The following NCAM2 variants were observed in gnomAD, a reference collection of about 807,000 sequenced individuals.
NCAM2 encodes the protein neural cell adhesion molecule 2, also known as N-CAM-2.
In NCAM2, 30 loss-of-function variants were observed where a neutral mutation model predicts 98.1. That is an observed-to-expected ratio of 0.31 (90% confidence interval 0.23 to 0.41). The LOEUF (loss-of-function observed/expected upper bound fraction) is 0.41, where lower values mean the gene tolerates loss of function less well. Ranked by LOEUF, NCAM2 falls within the 10% of genes least tolerant of loss-of-function variation. The pLI is 1.00. For synonymous variants in NCAM2, 368 were observed against 342.4 expected, an observed-to-expected ratio of 1.07 and a Z score of -0.83; for missense variants, 867 against 1,005.8, an observed-to-expected ratio of 0.86 and a Z score of 1.87.
At chr21:21,262,911 A>C (rs1156877106) in intron 1 of NCAM2, among the ~76,000 whole-genome samples, 1 of 152,086 alleles carries the variant, frequency 6.6e-6, no homozygotes, top group Admixed American at 6.6e-5. Context: ...TAAAATCATC[A>C]GCTCTCATGA....
chr21:21,300,803 T>C (rs1601910578), intron 5 of NCAM2, among the ~76,000 whole-genome samples: 2 of 152,018 alleles, frequency 1.3e-5, no homozygotes, highest in East Asian at 3.9e-4. Flanking sequence ...TCTCTATCCC[T>C]TTAGATTATA....
At chr21:21,535,952 T>C (rs1989959756) in intron 17 of NCAM2, among the ~76,000 whole-genome samples, 1 of 152,140 alleles carries the variant, frequency 6.6e-6, no homozygotes, top group South Asian at 2.1e-4. Context: ...AAAAACTTAA[T>C]ATATATTTCA....
rs536080391 is a variant in NCAM2 at position 21,047,460 on chromosome 21, G to A, written c.55+48842G>A. On this transcript the variant is annotated intron_variant, in intron 1 of 17. Transcript: ENST00000400546. ...CTTGTTTATTTCAGACAGACTAAAG[G>A]TACAGATATGTTGATGAAACAAACA... 2.6e-5 allele frequency among the ~76,000 whole-genome samples: 4 copies of A among 152,082 alleles called. 1 individual carries two copies. In the South Asian group the frequency reaches 8.3e-4, roughly 32 times the overall value.
Position 21,292,132 on chromosome 21 carries a change from C to A in NCAM2, c.510C>A (p.Asn170Lys), listed in dbSNP as rs757727097. 1 of 1,610,742 alleles carries A rather than the reference C, an allele frequency of 6.2e-7. No homozygotes were observed. The highest frequency in any genetic ancestry group is 1.1e-5 in the South Asian group (1 of 90,730). Residue 170 changes from asparagine to lysine, a missense_variant, in exon 5 of 18, where the codon AAC (asparagine) becomes AAA (lysine). By Grantham distance (94) the Asn-to-Lys change is moderately conservative (BLOSUM62 0). Coordinates refer to ENST00000400546, the MANE Select transcript of NCAM2 (RefSeq NM_004540.5). ...GGTTCGCTATGTTAGCAAACAATAA[C>A]CTGCAGATTCTCAACATCAATAAAA... is the stretch of plus-strand genomic sequence containing the variant. ...DNRFAMLANN[N>K]LQILNINKSD...
At chr21:21,098,639 C>G (rs1235050871) in intron 1 of NCAM2, among the ~76,000 whole-genome samples, 2 of 151,700 alleles carry the variant, frequency 1.3e-5, no homozygotes, top group East Asian at 1.9e-4. Context: ...ATATATTAAG[C>G]AGTGAAATTA....
intron 8 of NCAM2, among the ~76,000 whole-genome samples, chr21:21,354,840 G>GA (rs11088862): frequency 1 from 152,339 of 152,350 alleles, 76,164 homozygotes; most frequent in Middle Eastern, 1. Flanking sequence ...AGCACTAAAT[G>GA]TTCTTTTAGG....
At chr21:21,058,152 A>AAAAAAC (rs2065251083) in intron 1 of NCAM2, among the ~76,000 whole-genome samples, 1 of 149,984 alleles carries the variant, frequency 6.7e-6, no homozygotes, top group African/African-American at 2.4e-5. Flanking sequence ...TTCAAAAAAA[A>AAAAAAC]AAAAAAAAAA....
chr21:21,327,013 T>C (rs2074532893), intron 6 of NCAM2, among the ~76,000 whole-genome samples: 1 of 152,200 alleles, frequency 6.6e-6, no homozygotes, highest in Non-Finnish European at 1.5e-5. Flanking sequence ...TCAGTTGTAC[T>C]AGTCAGCTTG....
chr21:21,432,219 A>T lies in NCAM2; in HGVS notation c.1592A>T (p.Gln531Leu). The change falls in exon 12 of 18, where the codon CAG becomes CTG. Residue 531 changes from glutamine (Q) to leucine (L), a missense_variant. Gln to Leu is a moderately radical substitution (Grantham distance 113, BLOSUM62 -2). This residue lies in a region of NCAM2 where 234 missense variants were observed against 333.8 expected (regional missense o/e 0.70). Coordinates refer to ENST00000400546, the MANE Select transcript of NCAM2 (RefSeq NM_004540.5). The stretch of plus-strand genomic sequence containing the variant: ...GGAGGTGTACCTATTCATCACTATC[A>T]GGTGGATGTCAAAGAAGTAGCGTCA... ...SHGGVPIHHYQVDVKEVASEI... is the reference protein window; with the variant it reads ...SHGGVPIHHYLVDVKEVASEI... The T allele has an allele frequency of 1.2e-6, 2 of 1,614,090 alleles. No individual in the cohort carries two copies. The highest frequency in any genetic ancestry group is 1.7e-6 in the Non-Finnish European group (2 of 1,179,964).
At chr21:21,506,870 T>C (rs1417627355) in intron 15 of NCAM2, among the ~76,000 whole-genome samples, 2 of 152,110 alleles carry the variant, frequency 1.3e-5, no homozygotes, top group Non-Finnish European at 2.9e-5. Flanking sequence ...AACAAAATAA[T>C]TTCAATAAAA....
intron 1 of NCAM2, among the ~76,000 whole-genome samples, chr21:21,182,571 A>G (rs183375331): frequency 1.3e-5 from 2 of 152,244 alleles, no homozygotes; most frequent in Admixed American, 6.5e-5. Context: ...AATAACATCT[A>G]TAAATTTTGT....
intron 1 of NCAM2, among the ~76,000 whole-genome samples, chr21:21,264,719 G>C (rs185664013): frequency 6.8e-6 from 1 of 146,466 alleles, no homozygotes; most frequent in Non-Finnish European, 1.5e-5. Flanking sequence ...ACATCATTTT[G>C]TTAAGATCTT....
rs1981151658 is a variant in NCAM2 at position 21,452,009 on chromosome 21, G to A, written c.1655-14597G>A. The stretch of plus-strand genomic sequence containing the variant: ...TTCTCACTTAATTCTACAAATATTT[G>A]TCCTGCCTACTCTATTTCTTGATGC... On this transcript the variant is annotated intron_variant, in intron 12 of 17. Coordinates refer to ENST00000400546, the MANE Select transcript of NCAM2 (RefSeq NM_004540.5). 2.0e-5 allele frequency among the ~76,000 whole-genome samples: 3 copies of A among 151,742 alleles called. No individual in the cohort carries two copies. The South Asian group carries it at 6.2e-4, about 31-fold the overall frequency.
Position 21,197,425 on chromosome 21 carries a change from C to T in NCAM2, c.56-83153C>T, listed in dbSNP as rs1250250198. On this transcript the variant is annotated intron_variant, in intron 1 of 17. Coordinates refer to ENST00000400546, the MANE Select transcript of NCAM2 (RefSeq NM_004540.5). ...GATTACAGGTGTGAGCCACCGTGCC[C>T]AGCCCCTCTTTTCTTTAGAAAGTAC... Among the ~76,000 whole-genome samples the T allele has an allele frequency of 3.3e-5, 5 of 152,294 alleles. No individual in the cohort carries two copies. In the East Asian group the frequency reaches 9.7e-4, roughly 29 times the overall value.
At chr21:21,290,498 G>T (rs554412951) in intron 4 of NCAM2, among the ~76,000 whole-genome samples, 4 of 151,878 alleles carry the variant, frequency 2.6e-5, no homozygotes, top group Non-Finnish European at 4.4e-5. Context: ...TTTGATGAGG[G>T]CATTTCATGT....
intron 1 of NCAM2, among the ~76,000 whole-genome samples, chr21:21,240,392 AAAG>A (rs1194826889): frequency 6.6e-6 from 1 of 151,966 alleles, no homozygotes; most frequent in Non-Finnish European, 1.5e-5. Context: ...AAAAGCAAAA[AAAG>A]CTACAATTTT....
chr21:21,328,161 C>T (rs557904215), intron 6 of NCAM2, among the ~76,000 whole-genome samples: 34 of 152,216 alleles, frequency 2.2e-4, no homozygotes, highest in Admixed American at 1.0e-3. Flanking sequence ...CTGAAAATGT[C>T]CTATTGTCTA....
intron 16 of NCAM2, among the ~76,000 whole-genome samples, chr21:21,515,256 ATGG>A (rs1193833057): frequency 6.6e-6 from 1 of 152,132 alleles, no homozygotes; most frequent in East Asian, 1.9e-4. Flanking sequence ...GTTTAAGCAG[ATGG>A]TGTTCTGCAC....
At chr21:21,133,404 T>C (rs1236918990) in intron 1 of NCAM2, among the ~76,000 whole-genome samples, 1 of 152,206 alleles carries the variant, frequency 6.6e-6, no homozygotes. Context: ...TCGTGTTCTG[T>C]CTTTTAAAGC....
Sources: allele counts gnomAD v4.1 joint callset (sites outside exome capture counted in the v4.1 genomes callset), GRCh38; gene constraint gnomAD v4.1.1; regional missense constraint gnomAD v4.1.1; transcripts MANE v1.5; gene names NCBI Gene and HGNC (gene_info 2026-07-23, HGNC 2026-07-21).